The following ITK variants were observed in gnomAD, a reference collection of about 807,000 sequenced individuals.
ITK encodes the protein IL2 inducible T cell kinase.
Under a neutral mutation model 87.6 loss-of-function variants are expected in ITK, and 45 were observed. That is an observed-to-expected ratio of 0.51 (90% CI 0.40 to 0.66). The LOEUF is 0.66. Ranked by LOEUF, ITK falls within the 30% of genes least tolerant of loss-of-function variation. The pLI is 0.00. For synonymous variants in ITK, 303 were observed against 273.6 expected, an observed-to-expected ratio of 1.11 and a Z score of -1.06; for missense variants, 605 against 766.3, an observed-to-expected ratio of 0.79 and a Z score of 2.48.
At chr5:157,195,599 C>G (rs1753836318) in intron 1 of ITK, 1 of 152,194 alleles carries the variant, frequency 6.6e-6, no homozygotes, top group Non-Finnish European at 1.5e-5. Flanking sequence ...ACATTGCTGT[C>G]CTACATCACA....
intron 13 of ITK, 70 bp downstream of exon 13, chr5:157,244,548 A>G (rs898334178): frequency 1.2e-6 from 1 of 867,726 alleles, no homozygotes; most frequent in Non-Finnish European, 2.0e-6. Context: ...ATGACTGGGA[A>G]CGCATTAATA....
chr5:157,231,635 T>A (rs564260722), intron 7 of ITK, among the ~76,000 whole-genome samples: 173 of 152,330 alleles, frequency 1.1e-3, no homozygotes, highest in Admixed American at 2.5e-3. Context: ...TAACCGATGA[T>A]CAGTCTGCCT....
chr5:157,227,271 T>A (rs1273652545), intron 6 of ITK, among the ~76,000 whole-genome samples: 1 of 152,214 alleles, frequency 6.6e-6, no homozygotes. Flanking sequence ...TGGTATTAAA[T>A]GAGATAATGA....
At chr5:157,190,296 T>G (rs1482771767) in intron 1 of ITK, among the ~76,000 whole-genome samples, 10 of 152,240 alleles carry the variant, frequency 6.6e-5, no homozygotes, top group Non-Finnish European at 2.9e-5. Context: ...TCATATATTT[T>G]GCCATATCTT....
At chr5:157,239,094 G>A (rs750928305) in intron 9 of ITK, among the ~76,000 whole-genome samples, 2 of 152,114 alleles carry the variant, frequency 1.3e-5, no homozygotes, top group Non-Finnish European at 2.9e-5. Flanking sequence ...ACAGTAAGGA[G>A]GTGACCTGCA....
chr5:157,222,024 A>G (rs925394471), intron 5 of ITK, among the ~76,000 whole-genome samples: 1 of 152,106 alleles, frequency 6.6e-6, no homozygotes, highest in Non-Finnish European at 1.5e-5. Flanking sequence ...AGCTGAGATG[A>G]CATACTACAT....
intron 1 of ITK, among the ~76,000 whole-genome samples, chr5:157,187,993 G>T (rs1393636016): frequency 6.6e-6 from 1 of 151,916 alleles, no homozygotes; most frequent in African/African-American, 2.4e-5. Context: ...TAGAGACAGG[G>T]TCTCACTATA....
At chr5:157,215,689 C>A (rs1289076132) in intron 4 of ITK, among the ~76,000 whole-genome samples, 4 of 152,184 alleles carry the variant, frequency 2.6e-5, no homozygotes, top group African/African-American at 9.7e-5. Flanking sequence ...TCTGCCAATG[C>A]CTTGCTGTGG....
At chr5:157,231,633 G>C (rs141054844) in intron 7 of ITK, among the ~76,000 whole-genome samples, 2 of 152,170 alleles carry the variant, frequency 1.3e-5, no homozygotes, top group Admixed American at 6.5e-5. Context: ...ATTAACCGAT[G>C]ATCAGTCTGC....
chr5:157,232,074 G>C (rs35178394), intron 7 of ITK, among the ~76,000 whole-genome samples: 3 of 152,274 alleles, frequency 2.0e-5, no homozygotes, highest in East Asian at 1.9e-4. Flanking sequence ...ACAATGATCA[G>C]TATTTTGCCA....
intron 1 of ITK, among the ~76,000 whole-genome samples, chr5:157,193,691 A>T (rs1449343999): frequency 1.3e-5 from 2 of 152,200 alleles, no homozygotes; most frequent in Admixed American, 6.5e-5. Context: ...ACATTTTCAG[A>T]TCTAAGCTTG....
chr5:157,247,769 C>G (rs771010792), intron 15 of ITK, among the ~76,000 whole-genome samples: 1 of 152,228 alleles, frequency 6.6e-6, no homozygotes, highest in Non-Finnish European at 1.5e-5. Flanking sequence ...GCCCATTGGA[C>G]TTTGTCCTAC....
At chr5:157,218,593 T>C (rs1223365249) in intron 5 of ITK, among the ~76,000 whole-genome samples, 3 of 152,156 alleles carry the variant, frequency 2.0e-5, no homozygotes, top group African/African-American at 7.2e-5. Context: ...TTTATATATT[T>C]CAAAGCACTT....
chr5:157,244,077 C>T (rs2113774813), intron 12 of ITK, 185 bp from the exon 13 acceptor site: 1 of 694,104 alleles, frequency 1.4e-6, no homozygotes, highest in Non-Finnish European at 2.6e-6. Context: ...ACACAGCTGA[C>T]TCCTTGCCAT....
At chr5:157,230,905 A>T (rs932136554) in intron 7 of ITK, among the ~76,000 whole-genome samples, 1 of 152,266 alleles carries the variant, frequency 6.6e-6, no homozygotes, top group African/African-American at 2.4e-5. Context: ...CAATCTAGTT[A>T]TACTGTGCAC....
intron 1 of ITK, among the ~76,000 whole-genome samples, chr5:157,205,049 C>T (rs751827143): frequency 6.6e-5 from 10 of 152,278 alleles, no homozygotes; most frequent in South Asian, 4.1e-4. Flanking sequence ...CAACCAAGCA[C>T]GCTCATATAT....
intron 8 of ITK, among the ~76,000 whole-genome samples, chr5:157,232,864 G>T (rs1010474262): frequency 6.6e-6 from 1 of 152,170 alleles, no homozygotes; most frequent in African/African-American, 2.4e-5. Flanking sequence ...TGCCATCAGG[G>T]CTGGTCAGTC....
At chr5:157,239,659 T>C (rs1754848723) in intron 9 of ITK, among the ~76,000 whole-genome samples, 1 of 152,234 alleles carries the variant, frequency 6.6e-6, no homozygotes, top group Non-Finnish European at 1.5e-5. Context: ...AGGCCTGTTA[T>C]GTTCATCCTC....
chr5:157,192,522 T>C (rs919486415), intron 1 of ITK, among the ~76,000 whole-genome samples: 5 of 152,234 alleles, frequency 3.3e-5, no homozygotes, highest in African/African-American at 9.6e-5. Flanking sequence ...GAAAAGAGAT[T>C]TGGACCCGGG....
Sources: gnomAD v4.1 joint callset for allele counts (sites outside exome capture counted in the v4.1 genomes callset) on GRCh38, gnomAD v4.1.1 for gene constraint, MANE v1.5 for transcripts, NCBI Gene and HGNC (gene_info 2026-07-23, HGNC 2026-07-21) for gene names.